GTF3C1: variants seen among roughly 807,000 people sequenced by gnomAD.
The protein encoded by GTF3C1 is general transcription factor IIIC subunit 1.
In GTF3C1, 57 loss-of-function variants were observed where a neutral mutation model predicts 226.7. The observed-to-expected ratio is 0.25, with a 90% CI of 0.20 to 0.31. GTF3C1 has a LOEUF of 0.31. GTF3C1 is among the 10% of genes least tolerant of loss of function. The pLI, the probability that GTF3C1 is intolerant of heterozygous loss-of-function variation, is 1.00. For synonymous variants in GTF3C1, 1,090 were observed against 1,084.8 expected (o/e 1.00, Z -0.09); for missense variants, 2,217 against 2,776.1 (o/e 0.80, Z 4.53).
rs147697722 is a variant in GTF3C1, at chr16:27,541,752, T to C, written c.432-3396A>G. 2.4e-3 allele frequency among the ~76,000 whole-genome samples: 372 copies of C among 152,202 alleles called. 1 individual carries two copies. The highest frequency in any genetic ancestry group is 4.4e-3 in the Non-Finnish European group (297 of 68,012). ...CCAGCATGTTGAGGCTGAAGTGCAG[T>C]GCAGAGTGAAGAAACTGAGGTCGGA... On this transcript the variant is annotated intron_variant, in intron 2 of 36. Transcript: ENST00000356183.
At position 27,461,428 on chromosome 16, in the gene GTF3C1, C is replaced by T; in HGVS notation, c.6252G>A (p.Glu2084=). Residue 2084 remains glutamate, a synonymous_variant, in exon 37 of 37, where the codon GAG becomes GAA. Transcript: ENST00000356183. This position sits in a 1 kb window ranked among gnomAD's most constrained non-coding sequence, Gnocchi z 5.3. ...SLDESPMAFY[E]PTLDCTLRLG... is the part of the protein sequence containing the mutation. ...GCCGGAGGGTACAGTCCAAGGTGGG[C>T]TCATAGAAAGCCATGGGGCTCTCGT... The T allele has an allele frequency of 6.2e-7, 1 of 1,614,018 alleles. No homozygotes were observed. The highest frequency in any genetic ancestry group is 8.5e-7 in the Non-Finnish European group (1 of 1,179,936).
In GTF3C1 at chr16:27,494,756, C is replaced by A. The variant is rs373336778; in HGVS notation, c.2778+7G>T. 7 of 1,608,706 alleles carry A rather than the reference C, an allele frequency of 4.4e-6. No homozygotes were observed. The African/African-American group carries it at 9.4e-5, about 22-fold the overall frequency. On this transcript the variant is annotated splice_region_variant and intron_variant, in intron 16 of 36. Coordinates refer to ENST00000356183, the MANE Select transcript of GTF3C1 (RefSeq NM_001520.4). ...ATTCCTGTGATAATGGCTCCTGTCA[C>A]CAATACCTTGTAGCTGACTTGCACA...
At chr16:27,514,098 G>C (rs1285657036) in intron 6 of GTF3C1, among the ~76,000 whole-genome samples, 2 of 152,198 alleles carry the variant, frequency 1.3e-5, no homozygotes, top group Non-Finnish European at 2.9e-5. Flanking sequence ...GGCCAGCCTA[G>C]GGCAAGAGGC....
chr16:27,478,753 C>T (rs2087992850), intron 27 of GTF3C1, among the ~76,000 whole-genome samples: 1 of 151,842 alleles, frequency 6.6e-6, no homozygotes, highest in Admixed American at 6.6e-5. Flanking sequence ...TGTTCACTCA[C>T]CGACAATTAT....
chr16:27,469,493 T>C lies in GTF3C1; in HGVS notation c.4872A>G (p.Glu1624=), dbSNP rs542542961. ...TGCTCCGGCGCTTGCCCCCTACACC[T>C]TCGTCCAAGTCATCCTCTTCATCCT... The part of the protein sequence containing the change: ...DDEDEEDDLD[E]GVGGKRRSME... Residue 1624 remains glutamate (E), a synonymous_variant, in exon 32 of 37, where the codon GAA becomes GAG. Transcript: ENST00000356183. The surrounding 1 kb of genome is among the most constrained non-coding windows in gnomAD (Gnocchi z 4.5). 36 of 1,614,072 alleles carry C rather than the reference T, an allele frequency of 2.2e-5. No individual in the cohort carries two copies. The African/African-American group carries it at 4.4e-4, about 20-fold the overall frequency.
At chr16:27,496,313 A>G (rs1420121389) in intron 14 of GTF3C1, among the ~76,000 whole-genome samples, 3 of 152,172 alleles carry the variant, frequency 2.0e-5, no homozygotes, top group Non-Finnish European at 4.4e-5. Context: ...TGCCTTTATA[A>G]TAAGAACGAC....
In GTF3C1 at chr16:27,497,742, C is replaced by G. The variant is rs1410793863; in HGVS notation, c.2245G>C (p.Gly749Arg). ...GAGGAAGCACTCAGCTGAGAGTCCC[C>G]TGATCCACTTGGGCCCTCTTTTCCT... Reference protein sequence around the residue: ...SQGKEGPSGSGDSQLSASSRS... With the variant: ...SQGKEGPSGSRDSQLSASSRS... The change falls in exon 14 of 37, where the codon GGG (glycine) becomes CGG (arginine). Residue 749 changes from glycine (G) to arginine (R), a missense_variant. Gly to Arg is a moderately radical substitution (Grantham distance 125). Transcript: ENST00000356183. 1.2e-6 allele frequency: 2 copies of G among 1,613,930 alleles called. No individual in the cohort carries two copies.
chr16:27,543,335 G>A (rs758314195), intron 2 of GTF3C1, among the ~76,000 whole-genome samples: 6 of 152,160 alleles, frequency 3.9e-5, no homozygotes, highest in Non-Finnish European at 7.3e-5. Flanking sequence ...GCAGTAAACC[G>A]AGACTGTGCC....
rs535852272 is a variant in GTF3C1, at chr16:27,528,651, G to C, written c.920C>G (p.Ser307Cys). The C allele has an allele frequency of 1.1e-5, 18 of 1,611,524 alleles. No homozygotes were observed. The highest frequency in any genetic ancestry group is 3.3e-4 in the Middle Eastern group (2 of 6,058). The change falls in exon 6 of 37, where the codon TCT becomes TGT. Residue 307 changes from serine (S) to cysteine (C), a missense_variant. By Grantham distance (112) the Ser-to-Cys change is moderately radical. Transcript: ENST00000356183. ...MLNAGLAKVV[S>C]LRLQEIHPEC... ...AGGGTGGATCTCTTGCAAGCGAAGAGACACCACCTTGGCTAGCCCGGCGTT... is the reference window on the plus strand; with the variant it reads ...AGGGTGGATCTCTTGCAAGCGAAGACACACCACCTTGGCTAGCCCGGCGTT...
At position 27,483,000 on chromosome 16, in the gene GTF3C1, C is replaced by T. The variant is rs376771740; in HGVS notation, c.4083+44G>A. The stretch of plus-strand genomic sequence containing the variant: ...GGAGCTGACTGAAGTCTAGCTGCCC[C>T]AATCTCCCAAGCATACCAAGCCCTA... On this transcript the variant is annotated intron_variant, in intron 26 of 36. Coordinates refer to ENST00000356183, the MANE Select transcript of GTF3C1 (RefSeq NM_001520.4). 54 of 1,544,294 alleles carry T rather than the reference C, an allele frequency of 3.5e-5. No individual in the cohort carries two copies. In the African/African-American group the frequency reaches 6.8e-4, roughly 19 times the overall value.
chr16:27,506,507 G>C (rs1300587258), intron 9 of GTF3C1, among the ~76,000 whole-genome samples: 1 of 152,110 alleles, frequency 6.6e-6, no homozygotes, highest in Admixed American at 6.6e-5. Context: ...CACTCTCTAT[G>C]CATTTAAAAA....
chr16:27,533,295 T>G lies in GTF3C1; in HGVS notation c.845A>C (p.Glu282Ala). 6.4e-7 allele frequency: 1 copy of G among 1,557,448 alleles called. No homozygotes were observed. Among genetic ancestry groups the G allele is most frequent in the Non-Finnish European group, 8.9e-7 (1 of 1,128,284 alleles). Reference protein sequence around the residue: ...HIETLGKLREELGLCERTFKR... With the variant: ...HIETLGKLREALGLCERTFKR... ...CGTGGGAAACCCCAGGCTCACCAGC[T>G]CTTCCCTCAGCTTTCCCAGCGTCTC... Residue 282 changes from glutamate to alanine, a missense_variant, in exon 5 of 37, where the codon GAG becomes GCG. Glu to Ala is a moderately radical substitution (Grantham distance 107). This residue lies in a region of GTF3C1 where 163 missense variants were observed against 234.3 expected (regional missense o/e 0.70). Transcript: ENST00000356183.
rs754771833 is a variant in GTF3C1, at chr16:27,498,713, C to T, written c.2082G>A (p.Pro694=). ...IKKKVDLVVH[P]SMDQNDPLVR... is the part of the protein sequence containing the mutation. ...CTAGAGGGTCGTTCTGGTCCATGGA[C>T]GGGTGCACCACCAGATCCACCTGGA... The change falls in exon 13 of 37, where the codon CCG becomes CCA. Residue 694 remains proline, a synonymous_variant. Transcript: ENST00000356183. 33 of 1,587,976 alleles carry T rather than the reference C, an allele frequency of 2.1e-5. 1 individual carries two copies. In the Middle Eastern group the frequency reaches 2.2e-3, roughly 104 times the overall value.
In GTF3C1 at chr16:27,507,171, ATG is replaced by A. The variant is rs1309442737; in HGVS notation, c.1243-17_1243-16del. ...TCCATGAATCCCTAGAGGGAATAAG[ATG>A]TGTTTATCCCACTGCAAAGAGGGCG... On this transcript the variant is annotated splice_polypyrimidine_tract_variant and intron_variant, in intron 8 of 36. Transcript: ENST00000356183. This position sits in a 1 kb window ranked among gnomAD's most constrained non-coding sequence, Gnocchi z 4.9. The A allele has an allele frequency of 6.3e-7, 1 of 1,583,404 alleles. No homozygotes were observed. Among genetic ancestry groups the A allele is most frequent in the Non-Finnish European group, 8.6e-7 (1 of 1,160,574 alleles).
chr16:27,545,746 GCTGGGACCTAAAC>G (rs1351619938), intron 1 of GTF3C1, among the ~76,000 whole-genome samples: 1 of 152,204 alleles, frequency 6.6e-6, no homozygotes, highest in East Asian at 1.9e-4. Context: ...GAAGCTGGGT[GCTGGGACCTAAAC>G]CTCCTTATTG....
intron 13 of GTF3C1, 123 bp from the exon 14 acceptor site, chr16:27,497,944 G>T: frequency 1.4e-6 from 1 of 735,878 alleles, no homozygotes; most frequent in Non-Finnish European, 2.2e-6. Context: ...TCTGCTCCTT[G>T]TAGGGGCCAG....
chr16:27,540,978 T>C (rs2089073052), intron 2 of GTF3C1, among the ~76,000 whole-genome samples: 1 of 152,140 alleles, frequency 6.6e-6, no homozygotes, highest in Non-Finnish European at 1.5e-5. Flanking sequence ...GTAGCTGGGA[T>C]TACAGACACT....
Position 27,462,336 on chromosome 16 carries a change from G to A in GTF3C1, c.6075C>T (p.Tyr2025=). 2 of 1,568,764 alleles carry A rather than the reference G, an allele frequency of 1.3e-6. No individual in the cohort carries two copies. The highest frequency in any genetic ancestry group is 1.7e-6 in the Non-Finnish European group (2 of 1,157,098). Residue 2025 remains tyrosine, a synonymous_variant, in exon 36 of 37, where the codon TAC becomes TAT. Transcript: ENST00000356183. This position sits in a 1 kb window ranked among gnomAD's most constrained non-coding sequence, Gnocchi z 4.5. ...GIPESSLLRH[Y]QGVLQPVAVL... is the part of the protein sequence containing the mutation. ...CGGCGACGGGCTGCAGGACCCCCTG[G>A]TAGTGGCGCAGCAGGGAGCTCTCGG...
chr16:27,483,500 T>C, intron 25 of GTF3C1: 1 of 463,420 alleles, frequency 2.2e-6, no homozygotes, highest in South Asian at 1.5e-5. Context: ...TCTTAAGCTC[T>C]CTAATCTACT....
Sources: gnomAD v4.1 joint callset for allele counts (sites outside exome capture counted in the v4.1 genomes callset) on GRCh38, gnomAD v4.1.1 for gene constraint, gnomAD v4.1.1 regional missense constraint, Gnocchi (gnomAD v3.1) non-coding constraint, MANE v1.5 for transcripts, NCBI Gene and HGNC (gene_info 2026-07-23, HGNC 2026-07-21) for gene names.